The following FAM120B variants were observed in gnomAD, a reference collection of about 807,000 sequenced individuals.
FAM120B encodes the protein constitutive coactivator of peroxisome proliferator-activated receptor gamma.
A neutral mutation model predicts 96.3 loss-of-function variants in FAM120B; 83 were observed. The observed-to-expected ratio is 0.86, with a 90% CI of 0.72 to 1.03. FAM120B has a LOEUF of 1.03. Ranked by LOEUF, FAM120B falls within the 50% of genes least tolerant of loss-of-function variation. The pLI is 0.00. For synonymous variants in FAM120B, 407 were observed against 402.7 expected (o/e 1.01, Z -0.13); for missense variants, 1,027 against 1,121.2 (o/e 0.92, Z 1.20).
intron 6 of FAM120B, among the ~76,000 whole-genome samples, chr6:170,383,726 T>C (rs1790043185): frequency 6.6e-6 from 1 of 152,206 alleles, no homozygotes; most frequent in Admixed American, 6.5e-5. Flanking sequence ...GAAAACAGTT[T>C]GGCCGTTTCT....
At chr6:170,395,604 C>T in intron 9 of FAM120B, 25 bp downstream of exon 9, 1 of 1,517,874 alleles carries the variant, frequency 6.6e-7, no homozygotes, top group Non-Finnish European at 9.0e-7. Flanking sequence ...GGTCACTCTG[C>T]TGGGCCACCT....
At chr6:170,357,177 G>A (rs567757749) in intron 5 of FAM120B, among the ~76,000 whole-genome samples, 2 of 152,146 alleles carry the variant, frequency 1.3e-5, no homozygotes, top group Non-Finnish European at 2.9e-5. Context: ...TTTACTTGCC[G>A]CAGAAGGTGC....
intron 8 of FAM120B, 180 bp downstream of exon 8, chr6:170,391,301 G>C: frequency 1.8e-6 from 1 of 546,838 alleles, no homozygotes; most frequent in Non-Finnish European, 3.3e-6. Context: ...TTGGGAGGCC[G>C]AGGCAGGCAG....
intron 2 of FAM120B, among the ~76,000 whole-genome samples, chr6:170,321,752 A>G (rs1254652541): frequency 6.6e-6 from 1 of 152,206 alleles, no homozygotes; most frequent in African/African-American, 2.4e-5. Flanking sequence ...CTTTTCTTAT[A>G]TTGACTCATT....
In FAM120B at chr6:170,395,620, G is replaced by A. The variant is rs764334664; in HGVS notation, c.2692+41G>A. ...GTCACTCTGCTGGGCCACCTGCATG[G>A]CACTGCCTCTCACCTTGTGCTTTTG... On this transcript the variant is annotated intron_variant, in intron 9 of 10. Coordinates refer to ENST00000476287, the MANE Select transcript of FAM120B (RefSeq NM_032448.3). 11 of 1,417,240 alleles carry A rather than the reference G, an allele frequency of 7.8e-6. No homozygotes were observed. In the East Asian group the frequency reaches 2.0e-4, roughly 25 times the overall value. 87.8% of individuals were successfully genotyped at this position (1,417,240 alleles called of 1,614,324 possible).
rs113639678 is a variant in FAM120B, at chr6:170,394,648, C to T, written c.2600-839C>T. On this transcript the variant is annotated intron_variant, in intron 8 of 10. Transcript: ENST00000476287. ...ACGCCTCCGTGGACACCGCAGCATG[C>T]CAGCACGAGGCCACGCCTCCGTGGA... is the stretch of plus-strand genomic sequence containing the variant. 1.8e-4 allele frequency among the ~76,000 whole-genome samples: 20 copies of T among 111,558 alleles called. 6 individuals are homozygous for T. Among genetic ancestry groups the T allele is most frequent in the Non-Finnish European group, 2.9e-4 (15 of 52,254 alleles). The allele number at this position is 111,558 out of a possible 152,430, so 73.2% of individuals were successfully genotyped here.
chr6:170,341,428 G>A (rs2115111531), intron 4 of FAM120B, among the ~76,000 whole-genome samples: 1 of 152,224 alleles, frequency 6.6e-6, no homozygotes, highest in African/African-American at 2.4e-5. Context: ...TTAGCTTGCT[G>A]GGCTCCATGA....
intron 6 of FAM120B, among the ~76,000 whole-genome samples, chr6:170,368,826 G>GA (rs988285853): frequency 2.7e-5 from 4 of 149,604 alleles, no homozygotes; most frequent in African/African-American, 5.1e-5. Flanking sequence ...GGGCTGGGGG[G>GA]GGGGCTCCCT....
At chr6:170,298,518 CTTTTTT>C (rs796314508) in intron 1 of FAM120B, 1 of 139,438 alleles carries the variant, frequency 7.2e-6, no homozygotes, top group South Asian at 2.3e-4. Flanking sequence ...GCAATATTTT[CTTTTTT>C]TTTTTTTTTT....
intron 1 of FAM120B, chr6:170,298,114 A>G (rs1305241214): frequency 6.6e-6 from 1 of 152,222 alleles, no homozygotes; most frequent in Non-Finnish European, 1.5e-5. Context: ...GCTGTGAATG[A>G]AGACAGAGGC....
chr6:170,340,594 A>G (rs1414559715), intron 4 of FAM120B, among the ~76,000 whole-genome samples: 1 of 152,068 alleles, frequency 6.6e-6, no homozygotes, highest in African/African-American at 2.4e-5. Context: ...AATTTTCAGC[A>G]TTTTTGCGCT....
rs768270339 is a variant in FAM120B, at chr6:170,330,531, G to A, written c.1998G>A (p.Pro666=). 9.7e-5 allele frequency: 157 copies of A among 1,613,584 alleles called. 2 individuals are homozygous for A. The highest frequency in any genetic ancestry group is 9.2e-4 in the Admixed American group (55 of 59,992). The change falls in exon 4 of 11, where the codon CCG becomes CCA. Residue 666 remains proline, a synonymous_variant. Transcript: ENST00000476287. ...NPLRHPDLVR[P]LQMTIPGGTP... ...TGAGGCACCCGGACCTCGTCAGGCC[G>A]CTGCAGATGACCATTCCAGGTACAG...
chr6:170,293,450 A>C (rs942163202), upstream of FAM120B, among the ~76,000 whole-genome samples: 1 of 151,610 alleles, frequency 6.6e-6, no homozygotes, highest in Non-Finnish European at 1.5e-5. Context: ...TCTCTAACAA[A>C]CCCCCCTCAG....
intron 6 of FAM120B, among the ~76,000 whole-genome samples, chr6:170,372,009 A>G (rs891330724): frequency 2.6e-5 from 4 of 152,208 alleles, no homozygotes; most frequent in Non-Finnish European, 5.9e-5. Flanking sequence ...TAAGCGTGAA[A>G]GTAGGTAGTT....
chr6:170,343,573 C>T (rs919040742), intron 4 of FAM120B, among the ~76,000 whole-genome samples: 1 of 152,010 alleles, frequency 6.6e-6, no homozygotes, highest in Non-Finnish European at 1.5e-5. Context: ...ATTAGAACTC[C>T]TCAAGAGCCA....
rs1778744243 is a variant in FAM120B, at chr6:170,404,750, T to C, written c.*12-13T>C. On this transcript the variant is annotated splice_polypyrimidine_tract_variant and intron_variant, in intron 10 of 10. Transcript: ENST00000476287. ...GAGTTAACTTGGTTTCAAAACACTC[T>C]TGCTTCCTCCAGAAAGAGTATGGAG... 1.5e-6 allele frequency: 1 copy of C among 657,310 alleles called. No homozygotes were observed. The highest frequency in any genetic ancestry group is 1.9e-5 in the South Asian group (1 of 53,832). The allele number at this position is 657,310 out of a possible 1,614,324, so 40.7% of individuals were successfully genotyped here. A position where few individuals can be genotyped will look rare whatever the true frequency, so the allele number is the denominator to read the frequency against.
chr6:170,301,794 C>T (rs1299387055), upstream of FAM120B, among the ~76,000 whole-genome samples: 1 of 152,236 alleles, frequency 6.6e-6, no homozygotes, highest in Non-Finnish European at 1.5e-5. Flanking sequence ...CCATCTAAGA[C>T]CATCTCAGCC....
At position 170,362,518 on chromosome 6, in the gene FAM120B, A is replaced by T. The variant is rs77617497; in HGVS notation, c.2283+4200A>T. Among the ~76,000 whole-genome samples, 568 of 152,242 alleles carry T rather than the reference A, an allele frequency of 3.7e-3. 3 individuals carry two copies. The highest frequency in any genetic ancestry group is 5.4e-3 in the Non-Finnish European group (365 of 67,998). ...TTTGTAAAGTCCTCTGTAGAACACG[A>T]TGCCATGGTTGCCGTTATTCTCTCA... On this transcript the variant is annotated intron_variant, in intron 6 of 10. Coordinates refer to ENST00000476287, the MANE Select transcript of FAM120B (RefSeq NM_032448.3).
At chr6:170,334,144 G>GT (rs564377498) in intron 4 of FAM120B, among the ~76,000 whole-genome samples, 23 of 152,072 alleles carry the variant, frequency 1.5e-4, no homozygotes, top group East Asian at 5.8e-4. Context: ...TCTAAGTGTT[G>GT]TTTTTTTAAG....
Sources: gnomAD v4.1 joint callset for allele counts (sites outside exome capture counted in the v4.1 genomes callset) on GRCh38, gnomAD v4.1.1 for gene constraint, MANE v1.5 for transcripts, NCBI Gene and HGNC (gene_info 2026-07-23, HGNC 2026-07-21) for gene names.